Variants in LRP1B observed in about 807,000 individuals in gnomAD.
LRP1B encodes LDL receptor related protein 1B.
LRP1B carries 217 observed loss-of-function variants against 556.6 expected under a neutral mutation model. The ratio of observed to expected loss-of-function variants is 0.39; its 90% confidence interval spans 0.35 to 0.44. The LOEUF (loss-of-function observed/expected upper bound fraction) is 0.44. Among genes scored for constraint, LRP1B ranks in the 20% least tolerant of loss-of-function variants. LRP1B has a pLI of 1.00. For missense variants in LRP1B, 5,053 were observed against 5,620.8 expected (o/e 0.90, Z 3.23); for synonymous variants, 2,047 against 1,865.8 (o/e 1.10, Z -2.50).
intron 35 of LRP1B, among the ~76,000 whole-genome samples, chr2:140,751,137 C>T (rs748072191): frequency 4.0e-5 from 6 of 148,168 alleles, no homozygotes; most frequent in Non-Finnish European, 9.0e-5. Context: ...GGATTACAGG[C>T]GCCTGCCATC....
In LRP1B at chr2:140,666,183, C is replaced by T. The variant is rs571544437; in HGVS notation, c.6799+34067G>A. On this transcript the variant is annotated intron_variant, in intron 41 of 90. Transcript: ENST00000389484. ...TAATTTTTTGTATTTTTAGTAGAGG[C>T]GGGGCTTCACCATCTTGGCCAGGCT... Among the ~76,000 whole-genome samples the T allele has an allele frequency of 5.2e-4, 79 of 151,486 alleles. 1 individual carries two copies. The highest frequency in any genetic ancestry group is 1.5e-3 in the African/African-American group (60 of 41,338).
chr2:140,782,394 G>A (rs1374206140), intron 32 of LRP1B, among the ~76,000 whole-genome samples: 1 of 152,120 alleles, frequency 6.6e-6, no homozygotes, highest in Non-Finnish European at 1.5e-5. Flanking sequence ...TTTCTTATAG[G>A]AAGAGGACAT....
At chr2:141,438,670 T>C (rs1004973834) in intron 3 of LRP1B, among the ~76,000 whole-genome samples, 1 of 152,098 alleles carries the variant, frequency 6.6e-6, no homozygotes, top group Non-Finnish European at 1.5e-5. Flanking sequence ...TAATAAGGCA[T>C]AAGATTTATT....
At chr2:141,089,259 C>A (rs917023961) in intron 7 of LRP1B, among the ~76,000 whole-genome samples, 2 of 152,158 alleles carry the variant, frequency 1.3e-5, no homozygotes, top group Non-Finnish European at 2.9e-5. Flanking sequence ...GATTTCAATT[C>A]TTCTCTCTCA....
intron 2 of LRP1B, among the ~76,000 whole-genome samples, chr2:141,667,811 A>G (rs1307677455): frequency 6.6e-6 from 1 of 152,106 alleles, no homozygotes; most frequent in Non-Finnish European, 1.5e-5. Flanking sequence ...CTCCCTAATC[A>G]CCAGCATCTA....
Position 140,994,096 on chromosome 2 carries a change from C to A in LRP1B, c.2543G>T (p.Gly848Val), listed in dbSNP as rs2105359121. 6.2e-7 allele frequency: 1 copy of A among 1,612,646 alleles called. No homozygotes were observed. The highest frequency in any genetic ancestry group is 2.2e-5 in the East Asian group (1 of 44,764). Residue 848 changes from glycine (G) to valine (V), a missense_variant, in exon 16 of 91, where the codon GGA (glycine) becomes GTA (valine). This residue lies in a region of LRP1B where 3,619 missense variants were observed against 3,931.9 expected (regional missense o/e 0.92). Transcript: ENST00000389484. ...GTGTCTGTTTTTGCAGCGAAACTCT[C>A]CAGCTTTACATATGTGAGGTAGTGC... ...GEALPHICKAGEFRCKNRHCI... is the reference protein window; with the variant it reads ...GEALPHICKAVEFRCKNRHCI...
intron 2 of LRP1B, among the ~76,000 whole-genome samples, chr2:141,687,252 A>G (rs897223500): frequency 6.6e-6 from 1 of 151,988 alleles, no homozygotes; most frequent in South Asian, 2.1e-4. Flanking sequence ...TGGACAATAC[A>G]GTTCACCAAA....
At chr2:141,222,699 C>T (rs929149978) in intron 6 of LRP1B, among the ~76,000 whole-genome samples, 1 of 152,106 alleles carries the variant, frequency 6.6e-6, no homozygotes, top group African/African-American at 2.4e-5. Flanking sequence ...AAGTTGGCTT[C>T]ATTACTGCAA....
intron 66 of LRP1B, among the ~76,000 whole-genome samples, chr2:140,400,934 A>C (rs1047190800): frequency 1.3e-5 from 2 of 152,212 alleles, no homozygotes; most frequent in Non-Finnish European, 2.9e-5. Context: ...TAAAAAAGAT[A>C]AAAGTAAAAG....
chr2:141,584,887 G>T (rs1280539134), intron 2 of LRP1B, among the ~76,000 whole-genome samples: 1 of 152,138 alleles, frequency 6.6e-6, no homozygotes, highest in East Asian at 1.9e-4. Flanking sequence ...GCCAGGGGCT[G>T]GATGTGGGGA....
At chr2:141,890,390 A>ATATATGTATT (rs375936846) in intron 1 of LRP1B, among the ~76,000 whole-genome samples, 3 of 135,968 alleles carry the variant, frequency 2.2e-5, no homozygotes, top group Non-Finnish European at 4.6e-5. Flanking sequence ...ATACATATAT[A>ATATATGTATT]GTGTATATAT....
chr2:140,840,338 A>G (rs949021376), intron 30 of LRP1B, among the ~76,000 whole-genome samples: 1 of 152,170 alleles, frequency 6.6e-6, no homozygotes, highest in Admixed American at 6.5e-5. Context: ...CCTACATACA[A>G]GACTGAATAT....
chr2:140,989,027 T>C (rs1171442281), intron 17 of LRP1B, among the ~76,000 whole-genome samples: 1 of 152,052 alleles, frequency 6.6e-6, no homozygotes, highest in African/African-American at 2.4e-5. Flanking sequence ...ATAGAGTAGA[T>C]TATATGGAAA....
chr2:140,509,083 AACACACAC>A lies in LRP1B; in HGVS notation c.8398+837_8398+844del, dbSNP rs61074935. On this transcript the variant is annotated intron_variant, in intron 52 of 90. Transcript: ENST00000389484. ...CCCTGCACACACACACACACACACA[AACACACAC>A]ACACACACACACACACACAGACACT... Among the ~76,000 whole-genome samples, 342 of 148,900 alleles carry A rather than the reference AACACACAC, an allele frequency of 2.3e-3. 1 individual carries two copies. The highest frequency in any genetic ancestry group is 7.8e-3 in the African/African-American group (316 of 40,264).
intron 7 of LRP1B, among the ~76,000 whole-genome samples, chr2:141,092,975 T>C (rs1214372252): frequency 1.3e-5 from 2 of 151,878 alleles, no homozygotes; most frequent in Admixed American, 1.3e-4. Context: ...GTGTAATGAA[T>C]ATTTCTGTGA....
chr2:141,402,851 T>A (rs1690496692), intron 3 of LRP1B, among the ~76,000 whole-genome samples: 1 of 152,136 alleles, frequency 6.6e-6, no homozygotes, highest in African/African-American at 2.4e-5. Context: ...GATGCTTTTA[T>A]ACATATCAAA....
At position 141,420,074 on chromosome 2, in the gene LRP1B, T is replaced by G. The variant is rs571853791; in HGVS notation, c.343+60322A>C. On this transcript the variant is annotated intron_variant, in intron 3 of 90. Coordinates refer to ENST00000389484, the MANE Select transcript of LRP1B (RefSeq NM_018557.3). ...GCCCTCTGCTTCCTTATTGATCTCCTGTCTGGATGTTCTATTCAATAATGA... is the reference window on the plus strand; with the variant it reads ...GCCCTCTGCTTCCTTATTGATCTCCGGTCTGGATGTTCTATTCAATAATGA... Among the ~76,000 whole-genome samples, 41 of 152,340 alleles carry G rather than the reference T, an allele frequency of 2.7e-4. No homozygotes were observed. In the South Asian group the frequency reaches 7.2e-3, roughly 27 times the overall value.
rs1491318685 is a variant in LRP1B at position 142,027,697 on chromosome 2, C to CAG, written c.82+102949_82+102950dup. Reference sequence around the variant, plus strand: ...AAACACACACACACACACACACACACAGAGATAAAGTAACGTGCCCAAGAC... The same window carrying CAG: ...AAACACACACACACACACACACACACAGAGAGATAAAGTAACGTGCCCAAGAC... On this transcript the variant is annotated intron_variant, in intron 1 of 90. Coordinates refer to ENST00000389484, the MANE Select transcript of LRP1B (RefSeq NM_018557.3). Among the ~76,000 whole-genome samples the CAG allele has an allele frequency of 1.1e-3, 161 of 146,380 alleles. 1 individual carries two copies. The highest frequency in any genetic ancestry group is 3.4e-3 in the African/African-American group (134 of 39,772).
chr2:141,255,117 T>C (rs410870), intron 3 of LRP1B, among the ~76,000 whole-genome samples: 32,216 of 151,906 alleles, frequency 0.21, 3,474 homozygotes, highest in South Asian at 0.25. Flanking sequence ...AAATACTGAA[T>C]GTAATATATT....
Sources: gnomAD v4.1 joint callset for allele counts (sites outside exome capture counted in the v4.1 genomes callset) on GRCh38, gnomAD v4.1.1 for gene constraint, gnomAD v4.1.1 regional missense constraint, MANE v1.5 for transcripts, NCBI Gene and HGNC (gene_info 2026-07-23, HGNC 2026-07-21) for gene names.